The following MARCHF4 variants were observed in gnomAD, a reference collection of about 807,000 sequenced individuals.
MARCHF4 encodes membrane associated ring-CH-type finger 4.
Under a neutral mutation model 43.9 loss-of-function variants are expected in MARCHF4, and 14 were observed. The observed-to-expected ratio is 0.32, with a 90% CI of 0.21 to 0.50. The LOEUF is 0.50. Among genes scored for constraint, MARCHF4 ranks in the 20% least tolerant of loss-of-function variants. MARCHF4 has a pLI of 0.98. For synonymous variants in MARCHF4, 226 were observed against 213.3 expected, an observed-to-expected ratio of 1.06 and a Z score of -0.52; for missense variants, 468 against 536.7, an observed-to-expected ratio of 0.87 and a Z score of 1.27.
At chr2:216,350,346 A>C (rs953398790) in intron 1 of MARCHF4, among the ~76,000 whole-genome samples, 1 of 98,676 alleles carries the variant, frequency 1.0e-5, no homozygotes, top group Non-Finnish European at 2.0e-5. Flanking sequence ...ACCATGCCAC[A>C]CTCCTTCATT....
At chr2:216,355,066 G>T (rs886111704) in intron 1 of MARCHF4, among the ~76,000 whole-genome samples, 1 of 151,538 alleles carries the variant, frequency 6.6e-6, no homozygotes, top group Non-Finnish European at 1.5e-5. Context: ...CCACCTCCCA[G>T]GTTCAAGTGA....
intron 3 of MARCHF4, among the ~76,000 whole-genome samples, chr2:216,264,343 C>T (rs1690809820): frequency 6.6e-6 from 1 of 152,160 alleles, no homozygotes; most frequent in South Asian, 2.1e-4. Flanking sequence ...CACTGGTGGA[C>T]CCTCTGCTCT....
chr2:216,363,688 C>A (rs1036156316), intron 1 of MARCHF4, among the ~76,000 whole-genome samples: 1 of 152,178 alleles, frequency 6.6e-6, no homozygotes, highest in African/African-American at 2.4e-5. Context: ...ATAATGGTGT[C>A]TGTTGCCTAT....
chr2:216,308,121 G>A (rs1225813153), intron 1 of MARCHF4, among the ~76,000 whole-genome samples: 1 of 152,120 alleles, frequency 6.6e-6, no homozygotes, highest in African/African-American at 2.4e-5. Context: ...AGACAAAAAG[G>A]CTGGGTGCGG....
chr2:216,292,825 C>T (rs1475007732), intron 1 of MARCHF4, among the ~76,000 whole-genome samples: 1 of 152,248 alleles, frequency 6.6e-6, no homozygotes, highest in Non-Finnish European at 1.5e-5. Context: ...GTGTCTTCTT[C>T]CTTCAGGACA....
chr2:216,311,688 T>A (rs950904936), intron 1 of MARCHF4, among the ~76,000 whole-genome samples: 1 of 152,204 alleles, frequency 6.6e-6, no homozygotes, highest in Admixed American at 6.5e-5. Flanking sequence ...AAGAACCTTT[T>A]TTATTATTAT....
chr2:216,347,897 T>C (rs1421729355), intron 1 of MARCHF4, among the ~76,000 whole-genome samples: 1 of 151,656 alleles, frequency 6.6e-6, no homozygotes, highest in Non-Finnish European at 1.5e-5. Flanking sequence ...AATACAGTTT[T>C]CATACATCCC....
chr2:216,363,947 A>G (rs1230110125), intron 1 of MARCHF4, among the ~76,000 whole-genome samples: 3 of 152,078 alleles, frequency 2.0e-5, no homozygotes. Flanking sequence ...TCAGATTAAA[A>G]ATCTCCTGGA....
intron 2 of MARCHF4, among the ~76,000 whole-genome samples, chr2:216,281,304 C>G (rs893582449): frequency 2.0e-5 from 3 of 152,156 alleles, no homozygotes; most frequent in African/African-American, 7.2e-5. Flanking sequence ...CTCAAGTGAT[C>G]CTCCAGCCTC....
intron 1 of MARCHF4, chr2:216,318,115 T>C (rs1478643446): frequency 6.6e-6 from 1 of 152,154 alleles, no homozygotes; most frequent in Non-Finnish European, 1.5e-5. Context: ...GAAAACAGAG[T>C]TGCCTTCATG....
At position 216,320,607 on chromosome 2, in the gene MARCHF4, T is replaced by C. The variant is rs560070758; in HGVS notation, c.517-36878A>G. Among the ~76,000 whole-genome samples, 7 of 112,180 alleles carry C rather than the reference T, an allele frequency of 6.2e-5. No homozygotes were observed. The South Asian group carries it at 2.2e-3, about 35-fold the overall frequency. 73.6% of individuals were successfully genotyped at this position (112,180 alleles called of 152,430 possible). Reference sequence around the variant, plus strand: ...ATAAGGTTGTAGAGCTATAGCCTCTTTTTCTTTCTTTCTTTCTTTCTTTCT... The same window carrying C: ...ATAAGGTTGTAGAGCTATAGCCTCTCTTTCTTTCTTTCTTTCTTTCTTTCT... On this transcript the variant is annotated intron_variant, in intron 1 of 3. Coordinates refer to ENST00000273067, the MANE Select transcript of MARCHF4 (RefSeq NM_020814.3).
At chr2:216,310,500 G>A (rs2105955862) in intron 1 of MARCHF4, among the ~76,000 whole-genome samples, 1 of 152,176 alleles carries the variant, frequency 6.6e-6, no homozygotes, top group East Asian at 1.9e-4. Context: ...GGGCTCAAGC[G>A]ATCCTCCTGC....
chr2:216,305,905 C>T (rs1332287848), intron 1 of MARCHF4, among the ~76,000 whole-genome samples: 2 of 152,192 alleles, frequency 1.3e-5, no homozygotes, highest in Non-Finnish European at 2.9e-5. Context: ...CTTGCCTTGG[C>T]ATCCCACATA....
intron 1 of MARCHF4, among the ~76,000 whole-genome samples, chr2:216,320,677 T>TTCTTTCTTTCTTTC (rs1553518127): frequency 2.6e-5 from 3 of 117,484 alleles, no homozygotes; most frequent in South Asian, 2.8e-4. Context: ...CTTTCTTTCT[T>TTCTTTCTTTCTTTC]TTTTTTTTTT....
At chr2:216,268,736 A>C in intron 3 of MARCHF4, among the ~76,000 whole-genome samples, 1 of 152,238 alleles carries the variant, frequency 6.6e-6, no homozygotes, top group East Asian at 1.9e-4. Context: ...CTCGTACTGC[A>C]CTAGGCTGCC....
intron 1 of MARCHF4, among the ~76,000 whole-genome samples, chr2:216,364,334 C>A (rs1313258581): frequency 1.3e-5 from 2 of 152,048 alleles, no homozygotes; most frequent in Non-Finnish European, 2.9e-5. Flanking sequence ...GGGTTGAGAG[C>A]CAATGATCTA....
chr2:216,370,088 G>A lies in MARCHF4; in HGVS notation c.173C>T (p.Pro58Leu), dbSNP rs1293021435. ...GCCGTGCATGGGCAGGGGCGCTTGA[G>A]GAGGGCGCCGCAGTAAGAAAACCTT... The part of the protein sequence containing the change: ...DLKVFLLRRP[P>L]QAPLPMHGDP... Residue 58 changes from proline (P) to leucine (L), a missense_variant, in exon 1 of 4, where the codon CCT becomes CTT. Coordinates refer to ENST00000273067, the MANE Select transcript of MARCHF4 (RefSeq NM_020814.3). The A allele has an allele frequency of 6.3e-7, 1 of 1,582,330 alleles. No homozygotes were observed. The highest frequency in any genetic ancestry group is 8.6e-7 in the Non-Finnish European group (1 of 1,164,366).
intron 1 of MARCHF4, among the ~76,000 whole-genome samples, chr2:216,299,254 G>T (rs893793943): frequency 1.3e-5 from 2 of 152,166 alleles, no homozygotes; most frequent in African/African-American, 4.8e-5. Flanking sequence ...AAGAGAACCA[G>T]GGGGTGCCTT....
intron 3 of MARCHF4, among the ~76,000 whole-genome samples, chr2:216,270,268 G>GACTC (rs752962131): frequency 6.6e-6 from 1 of 152,046 alleles, no homozygotes; most frequent in Non-Finnish European, 1.5e-5. Context: ...TAGAGATGAG[G>GACTC]ACTCACTATG....
Sources: gnomAD v4.1 joint callset for allele counts (sites outside exome capture counted in the v4.1 genomes callset) on GRCh38, gnomAD v4.1.1 for gene constraint, MANE v1.5 for transcripts, NCBI Gene and HGNC (gene_info 2026-07-23, HGNC 2026-07-21) for gene names.